Variants in SLC24A3 observed in about 807,000 individuals in gnomAD.
The protein encoded by SLC24A3 is solute carrier family 24 member 3.
Under a neutral mutation model 75.8 loss-of-function variants are expected in SLC24A3, and 28 were observed. That is an observed-to-expected ratio of 0.37 (90% CI 0.27 to 0.51). The LOEUF (loss-of-function observed/expected upper bound fraction) is 0.51. Ranked by LOEUF, SLC24A3 falls within the 20% of genes least tolerant of loss-of-function variation. The pLI, the probability that SLC24A3 is intolerant of heterozygous loss-of-function variation, is 0.94. For synonymous variants in SLC24A3, 372 were observed against 334.1 expected, an observed-to-expected ratio of 1.11 and a Z score of -1.24; for missense variants, 663 against 847.8, an observed-to-expected ratio of 0.78 and a Z score of 2.71.
chr20:19,598,138 A>G (rs2031475383), intron 6 of SLC24A3, among the ~76,000 whole-genome samples: 1 of 152,172 alleles, frequency 6.6e-6, no homozygotes, highest in African/African-American at 2.4e-5. Context: ...TTTTAATATG[A>G]CAGAATACTT....
chr20:19,350,311 TTCTG>T (rs1326246527), intron 2 of SLC24A3, among the ~76,000 whole-genome samples: 26 of 152,230 alleles, frequency 1.7e-4, no homozygotes, highest in Non-Finnish European at 5.9e-5. Flanking sequence ...ACAAATTTAT[TTCTG>T]TCTGAGTTTG....
intron 2 of SLC24A3, among the ~76,000 whole-genome samples, chr20:19,406,124 T>C (rs1600467888): frequency 6.6e-6 from 1 of 152,158 alleles, no homozygotes; most frequent in African/African-American, 2.4e-5. Flanking sequence ...TCAAGAATAT[T>C]GTAGCAGCCC....
chr20:19,570,188 G>A (rs1381068716), intron 3 of SLC24A3, among the ~76,000 whole-genome samples: 1 of 152,140 alleles, frequency 6.6e-6, no homozygotes, highest in Non-Finnish European at 1.5e-5. Context: ...ATCTTCACAT[G>A]GCCAGGAGGA....
chr20:19,598,223 C>G (rs1348061593), intron 6 of SLC24A3, among the ~76,000 whole-genome samples: 2 of 152,168 alleles, frequency 1.3e-5, no homozygotes, highest in Non-Finnish European at 2.9e-5. Context: ...TGGCCTCCTG[C>G]TGCAGCTGCT....
At chr20:19,720,331 T>C (rs2033090928) in intron 16 of SLC24A3, among the ~76,000 whole-genome samples, 1 of 152,060 alleles carries the variant, frequency 6.6e-6, no homozygotes, top group Non-Finnish European at 1.5e-5. Flanking sequence ...TCTGGAGGCA[T>C]TGAAATCACA....
intron 3 of SLC24A3, among the ~76,000 whole-genome samples, chr20:19,543,980 T>C (rs1411052075): frequency 2.0e-5 from 3 of 152,132 alleles, no homozygotes; most frequent in Non-Finnish European, 4.4e-5. Flanking sequence ...TCCCAAACAG[T>C]TTTGGAACTC....
intron 1 of SLC24A3, among the ~76,000 whole-genome samples, chr20:19,255,373 A>G (rs547600868): frequency 6.6e-6 from 1 of 152,218 alleles, no homozygotes; most frequent in Non-Finnish European, 1.5e-5. Context: ...TCCTTGTCCC[A>G]CTGGGCCTGT....
At position 19,212,727 on chromosome 20, in the gene SLC24A3, G is replaced by T. The variant is rs1981435791; in HGVS notation, c.-116G>T. The T allele has an allele frequency of 3.6e-6, 3 of 825,252 alleles. No individual in the cohort carries two copies. Among genetic ancestry groups the T allele is most frequent in the Non-Finnish European group, 4.4e-6 (3 of 685,942 alleles). The allele number at this position is 825,252 out of a possible 1,614,324, so 51.1% of individuals were successfully genotyped here. On this transcript the variant is annotated 5_prime_UTR_variant, in exon 1 of 17. Transcript: ENST00000328041. ...GCGGAGGCGGCGGCCGGGTGGGAGC[G>T]CAGCGAGGACGCGCGGCTGCTGCGC...
At chr20:19,402,679 T>A (rs1986574162) in intron 2 of SLC24A3, among the ~76,000 whole-genome samples, 2 of 152,214 alleles carry the variant, frequency 1.3e-5, no homozygotes, top group Non-Finnish European at 2.9e-5. Flanking sequence ...TGTAAAAATC[T>A]TTCTCACTTC....
intron 3 of SLC24A3, among the ~76,000 whole-genome samples, chr20:19,519,012 G>A (rs2030050227): frequency 6.6e-6 from 1 of 152,154 alleles, no homozygotes; most frequent in Non-Finnish European, 1.5e-5. Context: ...GGTCCCAGAG[G>A]GGTGTCCTGC....
At chr20:19,317,116 A>T (rs1488575128) in intron 2 of SLC24A3, among the ~76,000 whole-genome samples, 2 of 152,196 alleles carry the variant, frequency 1.3e-5, no homozygotes, top group Non-Finnish European at 2.9e-5. Context: ...GGCTAGCTGT[A>T]TACAGAAAAT....
intron 2 of SLC24A3, among the ~76,000 whole-genome samples, chr20:19,495,661 G>T (rs1313920900): frequency 6.6e-6 from 1 of 152,246 alleles, no homozygotes; most frequent in Admixed American, 6.5e-5. Context: ...TGCAAGACTT[G>T]ACTCCCTCGG....
intron 1 of SLC24A3, among the ~76,000 whole-genome samples, chr20:19,272,416 A>G (rs1983356821): frequency 6.6e-6 from 1 of 152,244 alleles, no homozygotes; most frequent in South Asian, 2.1e-4. Flanking sequence ...ATAGGTAAGC[A>G]CAGGCTGTCA....
At chr20:19,410,634 G>A (rs988553072) in intron 2 of SLC24A3, among the ~76,000 whole-genome samples, 7 of 152,180 alleles carry the variant, frequency 4.6e-5, no homozygotes, top group African/African-American at 1.4e-4. Context: ...CCAAAAAGCC[G>A]AAACCACATC....
chr20:19,469,131 A>C (rs1987820315), intron 2 of SLC24A3, among the ~76,000 whole-genome samples: 2 of 152,062 alleles, frequency 1.3e-5, no homozygotes, highest in Admixed American at 1.3e-4. Flanking sequence ...ATCTCCATGG[A>C]TCCTGGCATC....
At chr20:19,461,410 T>G (rs1987668813) in intron 2 of SLC24A3, among the ~76,000 whole-genome samples, 1 of 151,872 alleles carries the variant, frequency 6.6e-6, no homozygotes, top group African/African-American at 2.4e-5. Flanking sequence ...TACACATACA[T>G]GTACGCACAT....
At chr20:19,394,549 G>T (rs1228661332) in intron 2 of SLC24A3, among the ~76,000 whole-genome samples, 1 of 152,010 alleles carries the variant, frequency 6.6e-6, no homozygotes, top group Non-Finnish European at 1.5e-5. Context: ...ACTCAATAAA[G>T]GACTTGAATA....
At chr20:19,583,231 G>A (rs146226979) in intron 4 of SLC24A3, among the ~76,000 whole-genome samples, 1 of 152,304 alleles carries the variant, frequency 6.6e-6, no homozygotes, top group African/African-American at 2.4e-5. Context: ...CGCTGCGAGG[G>A]ACAGAGTTGG....
In SLC24A3 at chr20:19,254,076, C is replaced by T. The variant is rs531584627; in HGVS notation, c.143-26883C>T. ...CTGGTTTTTAAGAGAAACTGGAAAT[C>T]TGGCTCTTTATATGAAATTGGGGAT... On this transcript the variant is annotated intron_variant, in intron 1 of 16. Coordinates refer to ENST00000328041, the MANE Select transcript of SLC24A3 (RefSeq NM_020689.4). 1.2e-4 allele frequency among the ~76,000 whole-genome samples: 19 copies of T among 152,350 alleles called. No homozygotes were observed. In the South Asian group the frequency reaches 3.7e-3, roughly 30 times the overall value.
Sources: gnomAD v4.1 joint callset for allele counts (sites outside exome capture counted in the v4.1 genomes callset) on GRCh38, gnomAD v4.1.1 for gene constraint, MANE v1.5 for transcripts, NCBI Gene and HGNC (gene_info 2026-07-23, HGNC 2026-07-21) for gene names.